CNTNAP3: variants seen among roughly 807,000 people sequenced by gnomAD.
CNTNAP3 encodes the protein contactin-associated protein-like 3.
In CNTNAP3, 36 loss-of-function variants were observed where a neutral mutation model predicts 92.1. The ratio of observed to expected loss-of-function variants is 0.39; its 90% CI spans 0.30 to 0.52. The LOEUF (loss-of-function observed/expected upper bound fraction) is 0.52, where lower values mean the gene tolerates loss of function less well. Ranked by LOEUF, CNTNAP3 falls within the 20% of genes least tolerant of loss-of-function variation. CNTNAP3 has a pLI of 0.76. For synonymous variants in CNTNAP3, 232 were observed against 422.3 expected, an observed-to-expected ratio of 0.55 and a Z score of 5.53; for missense variants, 534 against 1,069.6, an observed-to-expected ratio of 0.50 and a Z score of 6.98.
intron 17 of CNTNAP3, among the ~76,000 whole-genome samples, chr9:39,102,207 C>G (rs1277173380): frequency 1.3e-5 from 2 of 152,210 alleles, no homozygotes; most frequent in African/African-American, 4.8e-5. Flanking sequence ...TTGAACCCGG[C>G]AGGTGGAGGT....
intron 13 of CNTNAP3, among the ~76,000 whole-genome samples, chr9:39,127,292 A>G (rs1312517927): frequency 6.6e-6 from 1 of 152,078 alleles, no homozygotes; most frequent in Admixed American, 6.5e-5. Flanking sequence ...AACTGTGTTG[A>G]TAGGGAAAAC....
At chr9:39,082,461 G>GAAA (rs55860248) in intron 21 of CNTNAP3, among the ~76,000 whole-genome samples, 6 of 150,138 alleles carry the variant, frequency 4.0e-5, no homozygotes, top group Admixed American at 6.6e-5. Flanking sequence ...CTCTTTCTTG[G>GAAA]AAAAAAAAAC....
In CNTNAP3 at chr9:39,114,035, TACACACAC is replaced by T. The variant is rs767827479; in HGVS notation, c.2237+4060_2237+4067del. On this transcript the variant is annotated intron_variant, in intron 14 of 23. Transcript: ENST00000297668. The stretch of plus-strand genomic sequence containing the variant: ...ACACACATATATATACACACATATA[TACACACAC>T]ACACACACACACATATATATATATA... Among the ~76,000 whole-genome samples the T allele has an allele frequency of 2.0e-3, 280 of 141,528 alleles. 2 individuals are homozygous for T. Among genetic ancestry groups the T allele is most frequent in the African/African-American group, 7.3e-3 (262 of 36,030 alleles). 92.8% of individuals were successfully genotyped at this position (141,528 alleles called of 152,430 possible). A position where few individuals can be genotyped will look rare whatever the true frequency, so the allele number is the denominator to read the frequency against.
intron 10 of CNTNAP3, among the ~76,000 whole-genome samples, chr9:39,146,317 T>C (rs10974174): frequency 0.15 from 22,578 of 149,598 alleles, 2,152 homozygotes; most frequent in East Asian, 0.21. Flanking sequence ...CAGGACTCCA[T>C]TGGAAGCTCT....
intron 12 of CNTNAP3, among the ~76,000 whole-genome samples, chr9:39,137,701 A>G (rs1361460293): frequency 6.6e-6 from 1 of 151,458 alleles, no homozygotes. Context: ...TTTTTAGTAG[A>G]GACAGGGTTT....
intron 13 of CNTNAP3, among the ~76,000 whole-genome samples, chr9:39,132,587 G>C (rs1821319035): frequency 6.6e-6 from 1 of 152,058 alleles, no homozygotes; most frequent in Admixed American, 6.6e-5. Flanking sequence ...GGTTCCCACT[G>C]GTCTTCATGA....
Position 39,078,539 on chromosome 9 carries a change from A to G in CNTNAP3, c.3674-83T>C, listed in dbSNP as rs570453157. The G allele has an allele frequency of 4.4e-6, 7 of 1,583,776 alleles. No homozygotes were observed. In the South Asian group the frequency reaches 8.0e-5, roughly 18 times the overall value. On this transcript the variant is annotated intron_variant, in intron 22 of 23. Coordinates refer to ENST00000297668, the MANE Select transcript of CNTNAP3 (RefSeq NM_033655.5). ...TACACATAGCAAACTTGTCAATTAA[A>G]AGTGAATTAAAATAAGAACATCACA...
At chr9:39,081,484 G>A (rs572690513) in intron 21 of CNTNAP3, among the ~76,000 whole-genome samples, 3 of 148,768 alleles carry the variant, frequency 2.0e-5, no homozygotes, top group African/African-American at 7.4e-5. Context: ...GTAAATTCAC[G>A]TTTGCACAAA....
rs1402254680 is a variant in CNTNAP3, at chr9:39,066,420, G to T, written c.*7470C>A. Among the ~76,000 whole-genome samples the T allele has an allele frequency of 3.9e-5, 6 of 152,140 alleles. No homozygotes were observed. The highest frequency in any genetic ancestry group is 3.9e-4 in the Admixed American group (6 of 15,268). On this transcript the variant is annotated 3_prime_UTR_variant, in exon 24 of 24. Transcript: ENST00000297668. The stretch of plus-strand genomic sequence containing the variant: ...CAGGTATTGTATATTTACTTATGGT[G>T]TTACTATTGCCAGTGCTCTTCATTT...
intron 14 of CNTNAP3, 193 bp downstream of exon 14, chr9:39,117,910 C>A (rs1758558): frequency 1.5e-6 from 2 of 1,328,428 alleles, no homozygotes; most frequent in East Asian, 2.4e-5. Flanking sequence ...GTATTCACAA[C>A]GAACTAGTAA....
Position 39,071,908 on chromosome 9 carries a change from T to TA in CNTNAP3, c.*1981dup, listed in dbSNP as rs1321534647. 2.5e-5 allele frequency among the ~76,000 whole-genome samples: 3 copies of TA among 120,714 alleles called. No homozygotes were observed. Among genetic ancestry groups the TA allele is most frequent in the Non-Finnish European group, 5.0e-5 (3 of 60,414 alleles). 79.2% of individuals were successfully genotyped at this position (120,714 alleles called of 152,430 possible). A position where few individuals can be genotyped will look rare whatever the true frequency, so the allele number is the denominator to read the frequency against. On this transcript the variant is annotated 3_prime_UTR_variant, in exon 24 of 24. Coordinates refer to ENST00000297668, the MANE Select transcript of CNTNAP3 (RefSeq NM_033655.5). The stretch of plus-strand genomic sequence containing the variant: ...AAGTGATACATAAACCAATACAGAA[T>TA]ACATTTGTCTGCACATTTTTGCATA...
chr9:39,178,948 AC>A (rs1822391912), intron 4 of CNTNAP3, among the ~76,000 whole-genome samples: 1 of 150,236 alleles, frequency 6.7e-6, no homozygotes, highest in Non-Finnish European at 1.5e-5. Flanking sequence ...GGCTAATGGT[AC>A]TGCTAATGGG....
chr9:39,117,061 C>T (rs1168674659), intron 14 of CNTNAP3, among the ~76,000 whole-genome samples: 2 of 151,960 alleles, frequency 1.3e-5, no homozygotes, highest in South Asian at 2.1e-4. Flanking sequence ...GGCGCGATCT[C>T]GGCTCACTGC....
At position 39,213,191 on chromosome 9, in the gene CNTNAP3, G is replaced by GAGAGAAGAGA. The variant is rs561061095; in HGVS notation, c.391-19926_391-19917dup. Among the ~76,000 whole-genome samples the GAGAGAAGAGA allele has an allele frequency of 1.1e-3, 6 of 5,310 alleles. 3 individuals are homozygous for GAGAGAAGAGA. The highest frequency in any genetic ancestry group is 1.3e-3 in the African/African-American group (6 of 4,572). 3.5% of individuals were successfully genotyped at this position (5,310 alleles called of 152,430 possible). On this transcript the variant is annotated intron_variant, in intron 3 of 23. Coordinates refer to ENST00000297668, the MANE Select transcript of CNTNAP3 (RefSeq NM_033655.5). The stretch of plus-strand genomic sequence containing the variant: ...TGAGAGGAAGGAGAGGAAAGGAGAG[G>GAGAGAAGAGA]AGAGAAGAGAAGAGAAGAGAAGAGA...
chr9:39,133,574 C>A (rs964019137), intron 12 of CNTNAP3, among the ~76,000 whole-genome samples: 2 of 151,918 alleles, frequency 1.3e-5, no homozygotes, highest in African/African-American at 4.8e-5. Context: ...CACATACTCA[C>A]AGGTATGATA....
intron 10 of CNTNAP3, among the ~76,000 whole-genome samples, chr9:39,145,075 T>C (rs1821667195): frequency 7.1e-6 from 1 of 139,938 alleles, no homozygotes; most frequent in Non-Finnish European, 1.6e-5. Context: ...TTCAGAATTC[T>C]TGGAATCTGC....
intron 14 of CNTNAP3, among the ~76,000 whole-genome samples, chr9:39,114,078 A>C (rs1005438309): frequency 1.6e-4 from 23 of 144,806 alleles, no homozygotes; most frequent in African/African-American, 5.3e-4. Flanking sequence ...ACACACACAC[A>C]TACTTTTTTT....
chr9:39,127,536 G>C (rs1821179461), intron 13 of CNTNAP3, among the ~76,000 whole-genome samples: 1 of 152,072 alleles, frequency 6.6e-6, no homozygotes, highest in Non-Finnish European at 1.5e-5. Flanking sequence ...GACTGACAGA[G>C]ACAAAAACAG....
rs7031205 is a variant in CNTNAP3 at position 39,087,778 on chromosome 9, A to C, written c.3220+645T>G. Among the ~76,000 whole-genome samples, 17 of 151,914 alleles carry C rather than the reference A, an allele frequency of 1.1e-4. No homozygotes were observed. The East Asian group carries it at 1.6e-3, about 14-fold the overall frequency. On this transcript the variant is annotated intron_variant, in intron 19 of 23. Coordinates refer to ENST00000297668, the MANE Select transcript of CNTNAP3 (RefSeq NM_033655.5). ...TGCGATTACAGGCGTGAGCCACCAC[A>C]TCCAGCCTACTCAGAGATTTTGTAG...
Sources: allele counts gnomAD v4.1 joint callset (sites outside exome capture counted in the v4.1 genomes callset), GRCh38; gene constraint gnomAD v4.1.1; transcripts MANE v1.5; gene names NCBI Gene and HGNC (gene_info 2026-07-23, HGNC 2026-07-21).